Variants in TRPV2 observed in about 807,000 individuals in gnomAD.
The protein encoded by TRPV2 is transient receptor potential cation channel subfamily V member 2.
Under a neutral mutation model 91.0 loss-of-function variants are expected in TRPV2, and 58 were observed. The observed-to-expected ratio is 0.64, with a 90% CI of 0.52 to 0.79. The LOEUF (loss-of-function observed/expected upper bound fraction) is 0.79, where lower values mean the gene tolerates loss of function less well. Ranked by LOEUF, TRPV2 falls within the 30% of genes least tolerant of loss-of-function variation. TRPV2 has a pLI of 0.00. For missense variants in TRPV2, 807 were observed against 969.6 expected (o/e 0.83, Z 2.23); for synonymous variants, 417 against 414.8 (o/e 1.01, Z -0.06).
rs1471380502 is a variant in TRPV2 at position 16,431,281 on chromosome 17, ATATATACATATTTTTTTTTT to A, written c.1588-501_1588-482del. On this transcript the variant is annotated intron_variant, in intron 10 of 14. Transcript: ENST00000338560. Reference sequence around the variant, plus strand: ...CATATATATATATATATATATATATATATATACATATTTTTTTTTTTTTTTTTTTTGAGACGAAGTCTCAC... The same window carrying A: ...CATATATATATATATATATATATATATTTTTTTTTTGAGACGAAGTCTCAC... 1.7e-3 allele frequency among the ~76,000 whole-genome samples: 101 copies of A among 59,462 alleles called. 1 individual carries two copies. The highest frequency in any genetic ancestry group is 6.4e-3 in the African/African-American group (95 of 14,942). 39.0% of individuals were successfully genotyped at this position (59,462 alleles called of 152,430 possible).
chr17:16,436,580 A>G (rs566671845), intron 14 of TRPV2, among the ~76,000 whole-genome samples: 1 of 152,262 alleles, frequency 6.6e-6, no homozygotes, highest in East Asian at 1.9e-4. Context: ...TGGGGGTGGC[A>G]GGGGCAGGGG....
Position 16,417,789 on chromosome 17 carries a change from T to A in TRPV2, c.121T>A (p.Ser41Thr), listed in dbSNP as rs754558193. The A allele has an allele frequency of 6.2e-7, 1 of 1,613,896 alleles. No individual in the cohort carries two copies. The highest frequency in any genetic ancestry group is 1.1e-5 in the South Asian group (1 of 91,064). ...TGGGAGCGGGCTGCCTCCCATGGAG[T>A]CACAGTTCCAGGGCGAGGACCGGAA... The part of the protein sequence containing the change: ...DFGSGLPPME[S>T]QFQGEDRKFA... Residue 41 changes from serine (S) to threonine (T), a missense_variant, in exon 2 of 15, where the codon TCA becomes ACA. Ser to Thr is a moderately conservative substitution (Grantham distance 58). Coordinates refer to ENST00000338560, the MANE Select transcript of TRPV2 (RefSeq NM_016113.5).
rs199696226 is a variant in TRPV2 at position 16,433,682 on chromosome 17, G to A, written c.2098G>A (p.Glu700Lys). The A allele has an allele frequency of 4.8e-5, 77 of 1,613,786 alleles. No individual in the cohort carries two copies. Among genetic ancestry groups the A allele is most frequent in the Admixed American group, 6.7e-5 (4 of 60,004 alleles). ...VGTKPDGSPD[E>K]RWCFRVEEVN... ...CACTAAGCCAGATGGCAGCCCCGATGAGCGCTGGTGCTTCAGGTGAGTGAG... is the reference window on the plus strand; with the variant it reads ...CACTAAGCCAGATGGCAGCCCCGATAAGCGCTGGTGCTTCAGGTGAGTGAG... Residue 700 changes from glutamate to lysine, a missense_variant, in exon 13 of 15, where the codon GAG (glutamate) becomes AAG (lysine). Transcript: ENST00000338560.
At position 16,423,690 on chromosome 17, in the gene TRPV2, A is replaced by C. The variant is rs1278285580; in HGVS notation, c.847A>C (p.Thr283Pro). Residue 283 changes from threonine (T) to proline (P), a missense_variant, in exon 5 of 15, where the codon ACC becomes CCC. Thr to Pro is a conservative substitution (Grantham distance 38). Coordinates refer to ENST00000338560, the MANE Select transcript of TRPV2 (RefSeq NM_016113.5). ...CCAAGCTGGGGCCCGCCTCTGCCCT[A>C]CCGTGCAGCTTGAGGACATCCGCAA... is the stretch of plus-strand genomic sequence containing the variant. ...LLQAGARLCP[T>P]VQLEDIRNLQ... 1 of 1,613,890 alleles carries C rather than the reference A, an allele frequency of 6.2e-7. No individual in the cohort carries two copies. The highest frequency in any genetic ancestry group is 1.1e-5 in the South Asian group (1 of 91,066).
intron 10 of TRPV2, among the ~76,000 whole-genome samples, chr17:16,429,734 G>A (rs1000744704): frequency 6.6e-6 from 1 of 152,120 alleles, no homozygotes; most frequent in Non-Finnish European, 1.5e-5. Context: ...TGGCTGGGGA[G>A]ATGGCAGGAG....
intron 2 of TRPV2, among the ~76,000 whole-genome samples, chr17:16,418,997 C>T (rs548039485): frequency 7.3e-5 from 11 of 151,714 alleles, no homozygotes; most frequent in African/African-American, 2.7e-4. Context: ...TGCCACCATA[C>T]TCCAGCCTGG....
At chr17:16,417,517 C>A (rs945797333) in intron 1 of TRPV2, 45 bp from the exon 2 acceptor site, 12 of 742,570 alleles carry the variant, frequency 1.6e-5, no homozygotes, top group African/African-American at 7.1e-5. Flanking sequence ...TACACCCAGC[C>A]ACCACGCCCA....
rs2093416030 is a variant in TRPV2 at position 16,432,125 on chromosome 17, TC to T, written c.1815del (p.Ile605MetfsTer41). ...EASLELFKFT[I>X]GMGELAFQEQ... ...TCCTTGGAGCTCTTCAAATTCACCATCGGCATGGGCGAGCTGGCCTTCCAGG... is the reference window on the plus strand; with the variant it reads ...TCCTTGGAGCTCTTCAAATTCACCATGGCATGGGCGAGCTGGCCTTCCAGG... On this transcript the variant is annotated frameshift_variant, in exon 12 of 15. Transcript: ENST00000338560. LOFTEE classifies it high-confidence loss of function. The T allele has an allele frequency of 6.2e-7, 1 of 1,614,096 alleles. No homozygotes were observed. Among genetic ancestry groups the T allele is most frequent in the Admixed American group, 1.7e-5 (1 of 60,000 alleles).
At chr17:16,421,519 AT>A (rs574608841) in intron 3 of TRPV2, among the ~76,000 whole-genome samples, 2,567 of 86,680 alleles carry the variant, frequency 0.03, 59 homozygotes, top group African/African-American at 0.086. Context: ...GCGCCTGGCC[AT>A]TTTTTTTTTT....
At chr17:16,433,743 C>T in intron 13 of TRPV2, 45 bp downstream of exon 13, 1 of 1,603,900 alleles carries the variant, frequency 6.2e-7, no homozygotes, top group Non-Finnish European at 8.5e-7. Context: ...TGCTGTCCAG[C>T]AATCCCTGGG....
chr17:16,436,414 GTC>G (rs1024839945), intron 14 of TRPV2, among the ~76,000 whole-genome samples: 6 of 152,112 alleles, frequency 3.9e-5, no homozygotes, highest in Non-Finnish European at 8.8e-5. Flanking sequence ...CTCTGGATTC[GTC>G]TCTGTCGGAA....
Position 16,420,151 on chromosome 17 carries a change from C to G in TRPV2, c.237C>G (p.Leu79=). 1 of 1,614,080 alleles carries G rather than the reference C, an allele frequency of 6.2e-7. No individual in the cohort carries two copies. Residue 79 remains leucine (L), a synonymous_variant, in exon 3 of 15, where the codon CTC becomes CTG. Transcript: ENST00000338560. ...PDPNRFDRDR[L]FNAVSRGVPE... The stretch of plus-strand genomic sequence containing the variant: ...CAAACCGATTTGACCGAGATCGGCT[C>G]TTCAATGCGGTCTCCCGGGGTGTCC...
chr17:16,436,686 C>A, intron 14 of TRPV2, 103 bp from the exon 15 acceptor site: 2 of 799,344 alleles, frequency 2.5e-6, no homozygotes, highest in Non-Finnish European at 4.3e-6. Flanking sequence ...AGGCTGTCCC[C>A]ACGGCATGAC....
Position 16,436,804 on chromosome 17 carries a change from C to T in TRPV2, c.2210C>T (p.Pro737Leu). ...GAGVPRTLEN[P>L]VLASPPKEDE... ...CTGTTTACAGGAACTCTCGAGAACC[C>T]TGTCCTGGCTTCCCCTCCCAAGGAG... is the stretch of plus-strand genomic sequence containing the variant. The change falls in exon 15 of 15, where the codon CCT becomes CTT. Residue 737 changes from proline to leucine, a missense_variant. By Grantham distance (98) the Pro-to-Leu change is moderately conservative. Coordinates refer to ENST00000338560, the MANE Select transcript of TRPV2 (RefSeq NM_016113.5). 6.2e-7 allele frequency: 1 copy of T among 1,614,008 alleles called. No individual in the cohort carries two copies. The highest frequency in any genetic ancestry group is 8.5e-7 in the Non-Finnish European group (1 of 1,179,880).
At position 16,420,146 on chromosome 17, in the gene TRPV2, C is replaced by G. The variant is rs767844243; in HGVS notation, c.232C>G (p.Arg78Gly). ...QPDPNRFDRD[R>G]LFNAVSRGVP... ...GGATCCAAACCGATTTGACCGAGATCGGCTCTTCAATGCGGTCTCCCGGGG... is the reference window on the plus strand; with the variant it reads ...GGATCCAAACCGATTTGACCGAGATGGGCTCTTCAATGCGGTCTCCCGGGG... The change falls in exon 3 of 15, where the codon CGG (arginine) becomes GGG (glycine). Residue 78 changes from arginine (R) to glycine (G), a missense_variant. Transcript: ENST00000338560. The G allele has an allele frequency of 6.2e-7, 1 of 1,613,854 alleles. No homozygotes were observed. Among genetic ancestry groups the G allele is most frequent in the Non-Finnish European group, 8.5e-7 (1 of 1,179,770 alleles).
rs746511644 is a variant in TRPV2 at position 16,419,029 on chromosome 17, C to CA, written c.201-1071dup. Among the ~76,000 whole-genome samples, 1,244 of 130,114 alleles carry CA rather than the reference C, an allele frequency of 9.6e-3. 11 individuals are homozygous for CA. Among genetic ancestry groups the CA allele is most frequent in the African/African-American group, 0.025 (871 of 35,030 alleles). The allele number at this position is 130,114 out of a possible 152,430, so 85.4% of individuals were successfully genotyped here. ...CTGGGTGTCAGTGTGACTCTGTCTC[C>CA]AAAAAAAAAAAAAAAGTGACGGATC... is the stretch of plus-strand genomic sequence containing the variant. On this transcript the variant is annotated intron_variant, in intron 2 of 14. Transcript: ENST00000338560.
At chr17:16,423,003 G>A (rs1269002911) in intron 4 of TRPV2, 114 bp downstream of exon 4, 76 of 1,298,980 alleles carry the variant, frequency 5.9e-5, no homozygotes, top group Non-Finnish European at 7.9e-5. Flanking sequence ...TTCTGACCCC[G>A]ATGCCCTGCT....
intron 10 of TRPV2, among the ~76,000 whole-genome samples, 183 bp from the exon 11 acceptor site, chr17:16,431,601 A>T (rs1369639562): frequency 6.6e-6 from 1 of 151,958 alleles, no homozygotes. Context: ...ACCCAGCCAG[A>T]TCTGAGATAT....
chr17:16,432,021 T>C lies in TRPV2; in HGVS notation c.1710T>C (p.Asn570=). 1 of 1,610,178 alleles carries C rather than the reference T, an allele frequency of 6.2e-7. No individual in the cohort carries two copies. The highest frequency in any genetic ancestry group is 8.5e-7 in the Non-Finnish European group (1 of 1,177,008). Residue 570 remains asparagine, a synonymous_variant, in exon 12 of 15, where the codon AAT becomes AAC. Transcript: ENST00000338560. ...AWRPEAPTGP[N]ATESVQPMEG... is the part of the protein sequence containing the mutation. ...GCCCCGAAGCTCCTACAGGCCCCAA[T>C]GCCACAGAGTCAGTGCAGCCCATGG...
Sources: allele counts gnomAD v4.1 joint callset (sites outside exome capture counted in the v4.1 genomes callset), GRCh38; gene constraint gnomAD v4.1.1; transcripts MANE v1.5; gene names NCBI Gene and HGNC (gene_info 2026-07-23, HGNC 2026-07-21).